Variants in CTNND2 observed in about 807,000 individuals in gnomAD.
CTNND2 encodes catenin delta 2.
Under a neutral mutation model 144.4 loss-of-function variants are expected in CTNND2, and 22 were observed. That is an observed-to-expected ratio of 0.15 (90% CI 0.11 to 0.22). The LOEUF (loss-of-function observed/expected upper bound fraction) is 0.22, where lower values mean the gene tolerates loss of function less well. CTNND2 is among the 10% of genes least tolerant of loss of function. CTNND2 has a pLI of 1.00. For synonymous variants in CTNND2, 751 were observed against 695.6 expected (o/e 1.08, Z -1.25); for missense variants, 1,353 against 1,618.8 (o/e 0.84, Z 2.82).
chr5:11,631,576 C>G (rs1781416645), intron 2 of CTNND2, among the ~76,000 whole-genome samples: 1 of 152,142 alleles, frequency 6.6e-6, no homozygotes, highest in African/African-American at 2.4e-5. Context: ...ACTCGCTCAC[C>G]ACCTCCAAGT....
intron 2 of CTNND2, among the ~76,000 whole-genome samples, chr5:11,701,048 C>G (rs1472128840): frequency 2.6e-5 from 4 of 152,148 alleles, no homozygotes; most frequent in Non-Finnish European, 1.5e-5. Context: ...GTTAAATATT[C>G]TGGGATTACC....
At chr5:11,170,589 CAT>C (rs975815834) in intron 11 of CTNND2, among the ~76,000 whole-genome samples, 18 of 151,792 alleles carry the variant, frequency 1.2e-4, no homozygotes, top group African/African-American at 2.4e-4. Context: ...TACACACACA[CAT>C]ACACACACAC....
chr5:10,986,821 C>T lies in CTNND2; in HGVS notation c.3343+1290G>A, dbSNP rs565470607. The T allele has an allele frequency of 9.8e-4, 346 of 352,892 alleles. 3 individuals carry two copies. Among genetic ancestry groups the T allele is most frequent in the South Asian group, 6.6e-3 (321 of 48,524 alleles). 21.9% of individuals were successfully genotyped at this position (352,892 alleles called of 1,614,324 possible). A position where few individuals can be genotyped will look rare whatever the true frequency, so the allele number is the denominator to read the frequency against. On this transcript the variant is annotated intron_variant, in intron 20 of 21. Transcript: ENST00000304623. The stretch of plus-strand genomic sequence containing the variant: ...GCAGAGTTAACACGGAAAACACTGC[C>T]GCTGGGGTAAATGCATTTGCTATTA...
chr5:11,191,073 G>T (rs1333785463), intron 11 of CTNND2, among the ~76,000 whole-genome samples: 1 of 152,140 alleles, frequency 6.6e-6, no homozygotes, highest in Non-Finnish European at 1.5e-5. Context: ...GCAGTAAAAA[G>T]AAGTGCTGGA....
At chr5:11,186,518 G>C (rs933058627) in intron 11 of CTNND2, among the ~76,000 whole-genome samples, 1 of 152,074 alleles carries the variant, frequency 6.6e-6, no homozygotes, top group African/African-American at 2.4e-5. Context: ...GTGATAAACG[G>C]GCCATATATT....
chr5:11,618,003 T>G (rs893935117), intron 2 of CTNND2, among the ~76,000 whole-genome samples: 8 of 152,260 alleles, frequency 5.3e-5, no homozygotes, highest in Non-Finnish European at 8.8e-5. Context: ...AAGTTTTGGC[T>G]CCTTTATTTT....
chr5:11,269,924 A>G (rs1745823748), intron 9 of CTNND2, among the ~76,000 whole-genome samples: 1 of 152,238 alleles, frequency 6.6e-6, no homozygotes, highest in Admixed American at 6.5e-5. Context: ...GGAGCCTTGA[A>G]TTGCAGGATT....
Position 11,881,039 on chromosome 5 carries a change from G to GTAC in CTNND2, c.37+22775_37+22777dup, listed in dbSNP as rs561307219. Among the ~76,000 whole-genome samples, 37 of 145,350 alleles carry GTAC rather than the reference G, an allele frequency of 2.5e-4. No individual in the cohort carries two copies. In the East Asian group the frequency reaches 7.3e-3, roughly 29 times the overall value. The stretch of plus-strand genomic sequence containing the variant: ...ACTACTACCACTACTACTGCTACTA[G>GTAC]TACTACTACTACTACCACTACTACT... On this transcript the variant is annotated intron_variant, in intron 1 of 21. Coordinates refer to ENST00000304623, the MANE Select transcript of CTNND2 (RefSeq NM_001332.4).
At chr5:11,788,531 C>G (rs11951511) in intron 1 of CTNND2, among the ~76,000 whole-genome samples, 3 of 152,150 alleles carry the variant, frequency 2.0e-5, no homozygotes, top group Admixed American at 6.5e-5. Context: ...TTGAAAAAGT[C>G]TCCTCTGTTT....
chr5:11,560,479 T>C (rs1008463182), intron 3 of CTNND2, among the ~76,000 whole-genome samples: 2 of 152,226 alleles, frequency 1.3e-5, no homozygotes, highest in Non-Finnish European at 2.9e-5. Flanking sequence ...GGAATATGTA[T>C]AGGTACCTAT....
intron 3 of CTNND2, among the ~76,000 whole-genome samples, chr5:11,425,362 G>T (rs1762692474): frequency 6.6e-6 from 1 of 152,250 alleles, no homozygotes; most frequent in Non-Finnish European, 1.5e-5. Context: ...CTACATGTCT[G>T]TTGCCTTCCA....
At position 11,124,288 on chromosome 5, in the gene CTNND2, T is replaced by C. The variant is rs545577270; in HGVS notation, c.2160-6721A>G. ...TCGATTATCAAGTATTAATTACACG[T>C]AAAAATGCAAAAAATTGGCTCTTTG... On this transcript the variant is annotated intron_variant, in intron 12 of 21. Transcript: ENST00000304623. 5.9e-5 allele frequency among the ~76,000 whole-genome samples: 9 copies of C among 152,294 alleles called. No individual in the cohort carries two copies. The South Asian group carries it at 1.9e-3, about 32-fold the overall frequency.
At chr5:11,180,347 C>T (rs1760883067) in intron 11 of CTNND2, among the ~76,000 whole-genome samples, 1 of 152,150 alleles carries the variant, frequency 6.6e-6, no homozygotes, top group South Asian at 2.1e-4. Context: ...TTATAAATTA[C>T]CCAGTCTCAG....
At chr5:11,519,677 G>C (rs1289727453) in intron 3 of CTNND2, among the ~76,000 whole-genome samples, 1 of 151,988 alleles carries the variant, frequency 6.6e-6, no homozygotes, top group Non-Finnish European at 1.5e-5. Context: ...CCTCATACCA[G>C]TGTATAAACT....
In CTNND2 at chr5:11,361,263, T is replaced by C. The variant is rs28520943; in HGVS notation, c.1372+3433A>G. Reference sequence around the variant, plus strand: ...CTCAAACTCCTGACCTCAAGTGATCTACCCACCTCGGCCTCCCAAAGTGCT... The same window carrying C: ...CTCAAACTCCTGACCTCAAGTGATCCACCCACCTCGGCCTCCCAAAGTGCT... On this transcript the variant is annotated intron_variant, in intron 8 of 21. Coordinates refer to ENST00000304623, the MANE Select transcript of CTNND2 (RefSeq NM_001332.4). Among the ~76,000 whole-genome samples, 746 of 152,230 alleles carry C rather than the reference T, an allele frequency of 4.9e-3. 8 individuals carry two copies. The highest frequency in any genetic ancestry group is 0.017 in the African/African-American group (720 of 41,530).
chr5:11,526,476 C>G (rs1161073706), intron 3 of CTNND2, among the ~76,000 whole-genome samples: 2 of 152,210 alleles, frequency 1.3e-5, no homozygotes, highest in African/African-American at 4.8e-5. Context: ...TTAGGCAGTG[C>G]TGATCCTCAG....
rs1784041386 is a variant in CTNND2, at chr5:11,674,022, C to T, written c.174+58114G>A. Reference sequence around the variant, plus strand: ...AATTTATTCACAGAGGTTTGGGAAACAGATTAAGTTAATACCAGAAAAAGT... The same window carrying T: ...AATTTATTCACAGAGGTTTGGGAAATAGATTAAGTTAATACCAGAAAAAGT... On this transcript the variant is annotated intron_variant, in intron 2 of 21. Coordinates refer to ENST00000304623, the MANE Select transcript of CTNND2 (RefSeq NM_001332.4). Among the ~76,000 whole-genome samples, 2 of 152,118 alleles carry T rather than the reference C, an allele frequency of 1.3e-5. 1 individual carries two copies. The highest frequency in any genetic ancestry group is 4.1e-4 in the South Asian group (2 of 4,828).
chr5:11,571,578 G>C (rs564873055), intron 2 of CTNND2, among the ~76,000 whole-genome samples: 1 of 152,026 alleles, frequency 6.6e-6, no homozygotes. Context: ...TTGGCATGGT[G>C]GGGTAGGGGA....
intron 2 of CTNND2, among the ~76,000 whole-genome samples, chr5:11,646,610 C>T (rs1412488345): frequency 6.9e-6 from 1 of 145,972 alleles, no homozygotes; most frequent in Admixed American, 6.7e-5. Context: ...ATGGAAAAGT[C>T]CTGGCTTCCT....
Sources: allele counts gnomAD v4.1 joint callset (sites outside exome capture counted in the v4.1 genomes callset), GRCh38; gene constraint gnomAD v4.1.1; transcripts MANE v1.5; gene names NCBI Gene and HGNC (gene_info 2026-07-23, HGNC 2026-07-21).